LRRC4C: variants seen among roughly 807,000 people sequenced by gnomAD.
LRRC4C encodes the protein leucine rich repeat containing 4C.
In LRRC4C, 5 loss-of-function variants were observed where a neutral mutation model predicts 33.6. The ratio of observed to expected loss-of-function variants is 0.15; its 90% confidence interval spans 0.08 to 0.31. LRRC4C has a LOEUF of 0.31. Among genes scored for constraint, LRRC4C ranks in the 10% least tolerant of loss-of-function variants. The probability of loss-of-function intolerance (pLI) is 1.00; values close to 1 mark genes in which losing one functional copy is unlikely to be tolerated. For missense variants in LRRC4C, 560 were observed against 796.7 expected (o/e 0.70, Z 3.58); for synonymous variants, 329 against 302.0 (o/e 1.09, Z -0.93).
chr11:40,396,915 T>C (rs1196708102), intron 3 of LRRC4C, among the ~76,000 whole-genome samples: 1 of 152,092 alleles, frequency 6.6e-6, no homozygotes, highest in African/African-American at 2.4e-5. Flanking sequence ...ATCTTAACGT[T>C]CTCTATAATA....
chr11:41,305,822 A>G (rs1950481843), intron 1 of LRRC4C, among the ~76,000 whole-genome samples: 1 of 132,644 alleles, frequency 7.5e-6, no homozygotes, highest in African/African-American at 2.7e-5. Context: ...TCACTTGTTT[A>G]TCTGCTGACC....
rs541197515 is a variant in LRRC4C at position 41,194,990 on chromosome 11, C to T, written c.-495-261267G>A. ...GACAGGATTTCTAATTTTGCAGAGC[C>T]CACCAAAGTGGTAATACTCACTAAG... On this transcript the variant is annotated intron_variant, in intron 1 of 6. Coordinates refer to ENST00000528697, the MANE Select transcript of LRRC4C (RefSeq NM_001258419.2). Among the ~76,000 whole-genome samples, 4 of 152,022 alleles carry T rather than the reference C, an allele frequency of 2.6e-5. No homozygotes were observed. In the South Asian group the frequency reaches 6.2e-4, roughly 24 times the overall value.
intron 2 of LRRC4C, among the ~76,000 whole-genome samples, chr11:40,896,987 C>T (rs563807925): frequency 2.4e-4 from 37 of 152,150 alleles, no homozygotes; most frequent in African/African-American, 8.7e-4. Flanking sequence ...AAAGATAAAC[C>T]TTAATTAAGT....
At chr11:40,290,907 T>C (rs981167250) in intron 4 of LRRC4C, among the ~76,000 whole-genome samples, 2 of 152,142 alleles carry the variant, frequency 1.3e-5, no homozygotes, top group Admixed American at 1.3e-4. Context: ...CCCTTACTCA[T>C]AAAACGGCAT....
rs370515120 is a variant in LRRC4C at position 40,778,532 on chromosome 11, A to T, written c.-406-130254T>A. Among the ~76,000 whole-genome samples, 51 of 152,282 alleles carry T rather than the reference A, an allele frequency of 3.3e-4. 2 individuals carry two copies. In the South Asian group the frequency reaches 0.01, roughly 30 times the overall value. ...TTTAACCTCTATACTTTAATGAAAA[A>T]ACAATAATAATTTGAGATGGTGCTA... On this transcript the variant is annotated intron_variant, in intron 2 of 6. Coordinates refer to ENST00000528697, the MANE Select transcript of LRRC4C (RefSeq NM_001258419.2).
At chr11:41,315,611 T>A (rs1286458634) in intron 1 of LRRC4C, among the ~76,000 whole-genome samples, 2 of 152,184 alleles carry the variant, frequency 1.3e-5, no homozygotes, top group Non-Finnish European at 2.9e-5. Context: ...CTAGCCAACT[T>A]CTTAATTTCA....
chr11:40,126,885 A>C (rs577590975), intron 6 of LRRC4C, among the ~76,000 whole-genome samples: 1 of 151,350 alleles, frequency 6.6e-6, no homozygotes, highest in African/African-American at 2.4e-5. Context: ...GCTTGAACCC[A>C]GGAGGTGGAG....
At chr11:40,290,901 T>C (rs768580191) in intron 4 of LRRC4C, among the ~76,000 whole-genome samples, 44 of 152,100 alleles carry the variant, frequency 2.9e-4, no homozygotes, top group Admixed American at 5.2e-4. Context: ...CTTTGACCCT[T>C]ACTCATAAAA....
chr11:40,252,517 T>C (rs1866869187), intron 4 of LRRC4C, among the ~76,000 whole-genome samples: 1 of 152,140 alleles, frequency 6.6e-6, no homozygotes, highest in Non-Finnish European at 1.5e-5. Context: ...GGTCAAGTAC[T>C]GATTTAGGTT....
intron 5 of LRRC4C, among the ~76,000 whole-genome samples, chr11:40,141,560 C>T (rs1344173331): frequency 6.6e-6 from 1 of 152,136 alleles, no homozygotes; most frequent in African/African-American, 2.4e-5. Flanking sequence ...ATAGTTGGTA[C>T]AGACTGTACA....
chr11:41,228,361 T>C (rs7102388), intron 1 of LRRC4C, among the ~76,000 whole-genome samples: 11,652 of 152,076 alleles, frequency 0.077, 956 homozygotes, highest in African/African-American at 0.2. Context: ...GGATTCATCC[T>C]TGAATTGAAG....
intron 3 of LRRC4C, among the ~76,000 whole-genome samples, chr11:40,639,382 G>A (rs1463264037): frequency 6.6e-6 from 1 of 152,128 alleles, no homozygotes; most frequent in Non-Finnish European, 1.5e-5. Flanking sequence ...CACATTGGTG[G>A]GTGAAATGGC....
chr11:41,083,101 AG>A (rs1213894344), intron 1 of LRRC4C, among the ~76,000 whole-genome samples: 5 of 152,174 alleles, frequency 3.3e-5, no homozygotes, highest in Non-Finnish European at 7.3e-5. Context: ...GTGTAAAGAA[AG>A]AAAAGATATT....
chr11:40,663,325 C>T (rs1381391488), intron 2 of LRRC4C, among the ~76,000 whole-genome samples: 1 of 152,176 alleles, frequency 6.6e-6, no homozygotes, highest in Non-Finnish European at 1.5e-5. Context: ...TTGTGATCTG[C>T]CAGCCTTGGC....
At chr11:40,148,056 C>T (rs1316811834) in intron 5 of LRRC4C, among the ~76,000 whole-genome samples, 2 of 152,070 alleles carry the variant, frequency 1.3e-5, no homozygotes, top group African/African-American at 2.4e-5. Context: ...CATCCATGTC[C>T]ATACTATGGC....
chr11:40,955,368 T>G (rs1454607970), intron 1 of LRRC4C, among the ~76,000 whole-genome samples: 1 of 151,820 alleles, frequency 6.6e-6, no homozygotes, highest in Middle Eastern at 3.2e-3. Flanking sequence ...TGATCAAAAT[T>G]TTCTTCTTTA....
chr11:40,771,294 G>A lies in LRRC4C; in HGVS notation c.-406-123016C>T, dbSNP rs144296688. On this transcript the variant is annotated intron_variant, in intron 2 of 6. Coordinates refer to ENST00000528697, the MANE Select transcript of LRRC4C (RefSeq NM_001258419.2). ...ACCCTGTGAAGCAATGGCCCAAGCT[G>A]TACTTTGGCCCATTTTAGCCATGGC... 1.3e-3 allele frequency among the ~76,000 whole-genome samples: 200 copies of A among 152,294 alleles called. 1 individual carries two copies. Among genetic ancestry groups the A allele is most frequent in the Middle Eastern group, 3.4e-3 (1 of 294 alleles).
At chr11:40,957,385 T>C (rs532286993) in intron 1 of LRRC4C, among the ~76,000 whole-genome samples, 3 of 151,848 alleles carry the variant, frequency 2.0e-5, no homozygotes, top group Non-Finnish European at 4.4e-5. Context: ...TTACTAAGTT[T>C]ATCCAATCAG....
chr11:41,374,877 G>A (rs1952880548), intron 1 of LRRC4C, among the ~76,000 whole-genome samples: 1 of 152,142 alleles, frequency 6.6e-6, no homozygotes, highest in East Asian at 1.9e-4. Context: ...CCTCACACCA[G>A]TACTTGGGAA....
Sources: allele counts gnomAD v4.1 joint callset (sites outside exome capture counted in the v4.1 genomes callset), GRCh38; gene constraint gnomAD v4.1.1; transcripts MANE v1.5; gene names NCBI Gene and HGNC (gene_info 2026-07-23, HGNC 2026-07-21).